Variants in ARHGEF40 observed in about 807,000 individuals in gnomAD.
The protein encoded by ARHGEF40 is Rho guanine nucleotide exchange factor (GEF) 40.
Under a neutral mutation model 165.9 loss-of-function variants are expected in ARHGEF40, and 98 were observed. The ratio of observed to expected loss-of-function variants is 0.59; its 90% confidence interval spans 0.50 to 0.70. The LOEUF is 0.70. Among genes scored for constraint, ARHGEF40 ranks in the 30% least tolerant of loss-of-function variants. The pLI is 0.00. For missense variants in ARHGEF40, 1,815 were observed against 1,968.0 expected (o/e 0.92, Z 1.47); for synonymous variants, 792 against 814.3 (o/e 0.97, Z 0.47).
At chr14:21,062,708 AGTGTGTGTGTGTGT>A in the ARHGEF40 span, among the ~76,000 whole-genome samples, 2 of 130,976 alleles carry the variant, frequency 1.5e-5, no homozygotes, top group African/African-American at 3.0e-5. Context: ...GGCTGGGCAC[AGTGTGTGTGTGTGT>A]GTGTGTGTGT....
chr14:21,065,110 G>C, the ARHGEF40 span, among the ~76,000 whole-genome samples: 3 of 151,936 alleles, frequency 2.0e-5, no homozygotes, highest in African/African-American at 7.3e-5. Context: ...GGCAGAGGTT[G>C]CAGTGAGTCG....
rs1320847289 is a variant in ARHGEF40 at position 21,074,674 on chromosome 14, C to T, written c.944C>T (p.Ser315Phe). ...PPGEGSSTGA[S>F]PESPPGAEAV... ...GGCGAGGGGAGCAGCACCGGAGCCT[C>T]CCCTGAGTCTCCCCCAGGAGCTGAG... Residue 315 changes from serine (S) to phenylalanine (F), a missense_variant, in exon 3 of 24, where the codon TCC becomes TTC. By Grantham distance (155) the Ser-to-Phe change is radical. Coordinates refer to ENST00000298694, the MANE Select transcript of ARHGEF40 (RefSeq NM_018071.5). The surrounding 1 kb of genome is among the most constrained non-coding windows in gnomAD (Gnocchi z 4.8). 1.3e-6 allele frequency: 2 copies of T among 1,574,030 alleles called. No individual in the cohort carries two copies. Among genetic ancestry groups the T allele is most frequent in the African/African-American group, 1.3e-5 (1 of 74,256 alleles).
chr14:21,073,089 C>A lies in ARHGEF40; in HGVS notation c.48C>A (p.Ala16=). Residue 16 remains alanine, a synonymous_variant, in exon 2 of 24, where the codon GCC becomes GCA. Coordinates refer to ENST00000298694, the MANE Select transcript of ARHGEF40 (RefSeq NM_018071.5). The surrounding 1 kb of genome is among the most constrained non-coding windows in gnomAD (Gnocchi z 4.6). ...ACTGTGTGCAGAGCACTCTCGCCGC[C>A]CTGTATCCACCCTTTGAGGCAACAG... is the stretch of plus-strand genomic sequence containing the variant. ...VEDCVQSTLA[A]LYPPFEATAP... is the part of the protein sequence containing the mutation. 13 of 1,614,118 alleles carry A rather than the reference C, an allele frequency of 8.1e-6. No homozygotes were observed. The highest frequency in any genetic ancestry group is 1.1e-5 in the Non-Finnish European group (13 of 1,180,018).
chr14:21,069,480 G>A (rs1487563419), upstream of ARHGEF40, among the ~76,000 whole-genome samples: 5 of 152,218 alleles, frequency 3.3e-5, no homozygotes, highest in African/African-American at 2.4e-5. Flanking sequence ...GTAGGGATGC[G>A]GAAGGGAAGG....
At chr14:21,083,384 CA>C (rs59831663) in intron 16 of ARHGEF40, among the ~76,000 whole-genome samples, 5,546 of 127,836 alleles carry the variant, frequency 0.043, 291 homozygotes, top group African/African-American at 0.13. Flanking sequence ...ACTAGAAATA[CA>C]AAAAAAAAAA....
intron 13 of ARHGEF40, 99 bp from the exon 14 acceptor site, chr14:21,081,410 G>T: frequency 1.3e-6 from 2 of 1,496,102 alleles, no homozygotes; most frequent in Non-Finnish European, 1.8e-6. Flanking sequence ...GCATTGGGAG[G>T]CCACAGGCAA....
At chr14:21,064,315 T>C in the ARHGEF40 span, among the ~76,000 whole-genome samples, 2 of 152,124 alleles carry the variant, frequency 1.3e-5, no homozygotes, top group African/African-American at 4.8e-5. Context: ...TTTTTTATTA[T>C]TTTTGAGACA....
upstream of ARHGEF40, among the ~76,000 whole-genome samples, chr14:21,067,405 G>T (rs1340357950): frequency 6.6e-6 from 1 of 152,098 alleles, no homozygotes. Flanking sequence ...GTGATGTGGT[G>T]TTTAAAACTC....
At chr14:21,070,241 G>A (rs1367369781), upstream of ARHGEF40, 4 of 738,646 alleles carry the variant, frequency 5.4e-6, no homozygotes, top group African/African-American at 3.7e-5. The surrounding 1 kb of genome is among the most constrained non-coding windows in gnomAD (Gnocchi z 4.7). Context: ...CCCTGGCGGG[G>A]CCCCGCGGCC....
upstream of ARHGEF40, among the ~76,000 whole-genome samples, chr14:21,069,956 C>T (rs1212691087): frequency 1.3e-5 from 2 of 152,288 alleles, no homozygotes; most frequent in East Asian, 3.9e-4. Context: ...CATCCCTTGC[C>T]GAGGCTAAAC....
chr14:21,063,740 T>C, the ARHGEF40 span, among the ~76,000 whole-genome samples: 11 of 152,210 alleles, frequency 7.2e-5, no homozygotes, highest in Non-Finnish European at 1.5e-4. Flanking sequence ...TAAATGTTCA[T>C]TTAACAAAAT....
the ARHGEF40 span, among the ~76,000 whole-genome samples, chr14:21,063,088 C>G: frequency 6.6e-6 from 1 of 151,876 alleles, no homozygotes; most frequent in Non-Finnish European, 1.5e-5. Flanking sequence ...TGAGATTTCA[C>G]CACTGTACTC....
upstream of ARHGEF40, chr14:21,070,265 G>A: frequency 8.0e-6 from 8 of 1,001,756 alleles, no homozygotes; most frequent in South Asian, 4.9e-5. This position sits in a 1 kb window ranked among gnomAD's most constrained non-coding sequence, Gnocchi z 4.7. Flanking sequence ...AAGCCGGAGC[G>A]GGCCGAGCCG....
intron 21 of ARHGEF40, 128 bp from the exon 22 acceptor site, chr14:21,087,840 T>C: frequency 7.6e-7 from 1 of 1,309,518 alleles, no homozygotes; most frequent in South Asian, 1.2e-5. Flanking sequence ...CCCTTGCAAC[T>C]GGATCGCTAT....
At chr14:21,084,657 G>A in intron 17 of ARHGEF40, 96 bp from the exon 18 acceptor site, 1 of 1,363,754 alleles carries the variant, frequency 7.3e-7, no homozygotes, top group Non-Finnish European at 1.0e-6. Flanking sequence ...GAGAACCAGT[G>A]CATTAGGCCA....
Position 21,087,396 on chromosome 14 carries a change from A to T in ARHGEF40, c.4320A>T (p.Gly1440=), listed in dbSNP as rs1566540713. 6.2e-7 allele frequency: 1 copy of T among 1,602,788 alleles called. No homozygotes were observed. Among genetic ancestry groups the T allele is most frequent in the South Asian group, 1.1e-5 (1 of 91,070 alleles). The change falls in exon 21 of 24, where the codon GGA becomes GGT. Residue 1440 remains glycine, a synonymous_variant. Coordinates refer to ENST00000298694, the MANE Select transcript of ARHGEF40 (RefSeq NM_018071.5). Reference sequence around the variant, plus strand: ...CCTCCCTTCCCGGCCTTTCGCCGGGAGCCTGCTCCCTGCCTGCCCGCGTCG... The same window carrying T: ...CCTCCCTTCCCGGCCTTTCGCCGGGTGCCTGCTCCCTGCCTGCCCGCGTCG... ...AGPSLPGLSP[G]ACSLPARVEE...
chr14:21,082,588 A>G (rs1244223146), intron 15 of ARHGEF40, 110 bp downstream of exon 15: 1 of 1,303,010 alleles, frequency 7.7e-7, no homozygotes, highest in African/African-American at 1.5e-5. Context: ...TGTGTGGTCC[A>G]TGACCTTGGG....
At chr14:21,063,214 G>T in the ARHGEF40 span, among the ~76,000 whole-genome samples, 1 of 152,088 alleles carries the variant, frequency 6.6e-6, no homozygotes, top group African/African-American at 2.4e-5. Context: ...TAAAAGTGGT[G>T]TGTATGTGTG....
At position 21,078,940 on chromosome 14, in the gene ARHGEF40, A is replaced by T; in HGVS notation, c.2303A>T (p.Gln768Leu). 6.2e-7 allele frequency: 1 copy of T among 1,614,212 alleles called. No individual in the cohort carries two copies. Residue 768 changes from glutamine to leucine, a missense_variant, in exon 11 of 24, where the codon CAG becomes CTG. Physicochemically the swap from Gln to Leu is moderately radical, Grantham distance 113 (BLOSUM62 -2). Transcript: ENST00000298694. ...LYQEVDEAIH[Q>L]LVRLSNLHVQ... The stretch of plus-strand genomic sequence containing the variant: ...CAGGAAGTGGACGAGGCCATTCACC[A>T]GCTTGTGCGCCTCTCCAACCTGCAC...
Sources: allele counts gnomAD v4.1 joint callset (sites outside exome capture counted in the v4.1 genomes callset), GRCh38; gene constraint gnomAD v4.1.1; non-coding constraint Gnocchi (gnomAD v3.1); transcripts MANE v1.5; gene names NCBI Gene and HGNC (gene_info 2026-07-23, HGNC 2026-07-21).